CSGALNACT1: variants seen among roughly 807,000 people sequenced by gnomAD.
The protein encoded by CSGALNACT1 is beta4GalNAcT-1.
In CSGALNACT1, 52 loss-of-function variants were observed where a neutral mutation model predicts 51.0. The observed-to-expected ratio is 1.02, with a 90% CI of 0.82 to 1.29. CSGALNACT1 has a LOEUF of 1.29. Among genes scored for constraint, CSGALNACT1 ranks in the 50% most tolerant of loss-of-function variants. The pLI, the probability that CSGALNACT1 is intolerant of heterozygous loss-of-function variation, is 0.00. For synonymous variants in CSGALNACT1, 341 were observed against 254.4 expected, an observed-to-expected ratio of 1.34 and a Z score of -3.24; for missense variants, 935 against 679.2, an observed-to-expected ratio of 1.38 and a Z score of -4.19.
At chr8:19,680,372 G>C (rs11784031) in intron 1 of CSGALNACT1, among the ~76,000 whole-genome samples, 38,290 of 152,090 alleles carry the variant, frequency 0.25, 5,238 homozygotes, top group Middle Eastern at 0.36. Flanking sequence ...CCTGGCCAAC[G>C]TGGCAAAACC....
intron 1 of CSGALNACT1, among the ~76,000 whole-genome samples, chr8:19,675,855 G>A (rs774408572): frequency 1.3e-5 from 2 of 151,850 alleles, no homozygotes; most frequent in Non-Finnish European, 2.9e-5. Context: ...AGTCACATGC[G>A]GGCAGGACAC....
intron 1 of CSGALNACT1, among the ~76,000 whole-genome samples, chr8:19,613,436 A>G (rs1160417521): frequency 1.3e-5 from 2 of 152,218 alleles, no homozygotes; most frequent in Non-Finnish European, 2.9e-5. Context: ...GGTTGCGTTC[A>G]CCATGCGCAC....
chr8:19,453,294 C>T (rs1227541496), intron 5 of CSGALNACT1, among the ~76,000 whole-genome samples: 4 of 152,108 alleles, frequency 2.6e-5, no homozygotes, highest in Non-Finnish European at 5.9e-5. Context: ...TTAGCAGGCA[C>T]ACTGTGTGCT....
At chr8:19,731,687 G>A (rs1016254422) in intron 1 of CSGALNACT1, among the ~76,000 whole-genome samples, 1 of 152,124 alleles carries the variant, frequency 6.6e-6, no homozygotes, top group Non-Finnish European at 1.5e-5. Context: ...ACCACTTGAA[G>A]GTACTTAATG....
At chr8:19,450,022 T>C (rs1040334001) in intron 5 of CSGALNACT1, among the ~76,000 whole-genome samples, 1 of 133,960 alleles carries the variant, frequency 7.5e-6, no homozygotes, top group African/African-American at 2.9e-5. Flanking sequence ...AAAACCAAAT[T>C]TGAGAATAGT....
At chr8:19,431,025 T>G (rs2059579281) in intron 6 of CSGALNACT1, among the ~76,000 whole-genome samples, 1 of 152,172 alleles carries the variant, frequency 6.6e-6, no homozygotes, top group Non-Finnish European at 1.5e-5. Context: ...TGTATATTGA[T>G]CTTGTACCTC....
At chr8:19,661,224 G>T (rs777390225) in intron 1 of CSGALNACT1, among the ~76,000 whole-genome samples, 1 of 151,974 alleles carries the variant, frequency 6.6e-6, no homozygotes, top group South Asian at 2.1e-4. Flanking sequence ...GGACCATTCA[G>T]TTCTGTCACC....
intron 4 of CSGALNACT1, among the ~76,000 whole-genome samples, chr8:19,463,003 G>T (rs549989461): frequency 1.3e-5 from 2 of 152,214 alleles, no homozygotes; most frequent in Admixed American, 1.3e-4. Context: ...AGGCCCCAGT[G>T]TCTAACGTTC....
At chr8:19,648,569 A>T (rs2057486963) in intron 1 of CSGALNACT1, among the ~76,000 whole-genome samples, 1 of 152,206 alleles carries the variant, frequency 6.6e-6, no homozygotes. Flanking sequence ...GCATTCTGGG[A>T]GGCCAAGGCA....
At chr8:19,735,539 A>C (rs1005704858) in intron 1 of CSGALNACT1, among the ~76,000 whole-genome samples, 2 of 152,214 alleles carry the variant, frequency 1.3e-5, no homozygotes, top group African/African-American at 4.8e-5. Flanking sequence ...CTGCAAAATT[A>C]CATGCACAAA....
At chr8:19,597,098 G>C (rs1017488566) in intron 2 of CSGALNACT1, among the ~76,000 whole-genome samples, 1 of 152,036 alleles carries the variant, frequency 6.6e-6, no homozygotes, top group Non-Finnish European at 1.5e-5. Context: ...CACAGTATTT[G>C]TCATACTGCG....
At chr8:19,630,572 C>T (rs2055112350) in intron 1 of CSGALNACT1, among the ~76,000 whole-genome samples, 1 of 152,134 alleles carries the variant, frequency 6.6e-6, no homozygotes, top group Non-Finnish European at 1.5e-5. Context: ...GGTGTACCCA[C>T]CATTACAGTA....
intron 5 of CSGALNACT1, among the ~76,000 whole-genome samples, chr8:19,445,080 A>G (rs1415288514): frequency 1.3e-5 from 2 of 152,196 alleles, no homozygotes; most frequent in African/African-American, 4.8e-5. Flanking sequence ...CAGACAAAGG[A>G]CAGGGAATAG....
At chr8:19,409,192 C>A (rs937587674) in intron 8 of CSGALNACT1, among the ~76,000 whole-genome samples, 3 of 152,118 alleles carry the variant, frequency 2.0e-5, no homozygotes, top group African/African-American at 7.2e-5. Context: ...TCACAGGACT[C>A]CCTTGGGGAA....
chr8:19,726,789 C>T (rs930893390), intron 1 of CSGALNACT1, among the ~76,000 whole-genome samples: 7 of 152,098 alleles, frequency 4.6e-5, no homozygotes, highest in Non-Finnish European at 8.8e-5. Flanking sequence ...CAAGTATATC[C>T]GTTAAAAATC....
intron 2 of CSGALNACT1, among the ~76,000 whole-genome samples, chr8:19,596,345 G>A (rs994438914): frequency 6.6e-6 from 1 of 152,028 alleles, no homozygotes; most frequent in Non-Finnish European, 1.5e-5. Context: ...TGTGATGAGG[G>A]GGAAAATGAA....
At chr8:19,495,569 G>A (rs995627331) in intron 4 of CSGALNACT1, among the ~76,000 whole-genome samples, 3 of 152,162 alleles carry the variant, frequency 2.0e-5, no homozygotes, top group African/African-American at 7.2e-5. Context: ...CAGGGAGGAG[G>A]CTGGAGAGGA....
chr8:19,709,794 G>A (rs759912210), intron 1 of CSGALNACT1, among the ~76,000 whole-genome samples: 1 of 152,158 alleles, frequency 6.6e-6, no homozygotes, highest in Non-Finnish European at 1.5e-5. Flanking sequence ...CCCCAGGTAT[G>A]TCTAATGCAC....
chr8:19,570,230 G>A (rs1263244253), intron 3 of CSGALNACT1, among the ~76,000 whole-genome samples: 4 of 152,064 alleles, frequency 2.6e-5, no homozygotes, highest in Non-Finnish European at 4.4e-5. Flanking sequence ...CATTAGAAAG[G>A]TAAGAAACAA....
Sources: allele counts gnomAD v4.1 joint callset (sites outside exome capture counted in the v4.1 genomes callset), GRCh38; gene constraint gnomAD v4.1.1; transcripts MANE v1.5; gene names NCBI Gene and HGNC (gene_info 2026-07-23, HGNC 2026-07-21).